The following CSNK1G3 variants were observed in gnomAD, a reference collection of about 807,000 sequenced individuals.
The protein encoded by CSNK1G3 is casein kinase 1 gamma 3, also known as casein kinase I isoform gamma-3.
A neutral mutation model predicts 64.3 loss-of-function variants in CSNK1G3; 23 were observed. The ratio of observed to expected loss-of-function variants is 0.36; its 90% CI spans 0.26 to 0.51. The LOEUF (loss-of-function observed/expected upper bound fraction) is 0.51. Ranked by LOEUF, CSNK1G3 falls within the 20% of genes least tolerant of loss-of-function variation. The pLI is 0.96. For missense variants in CSNK1G3, 357 were observed against 510.5 expected, an observed-to-expected ratio of 0.70 and a Z score of 2.90; for synonymous variants, 158 against 162.2, an observed-to-expected ratio of 0.97 and a Z score of 0.20.
intron 1 of CSNK1G3, among the ~76,000 whole-genome samples, chr5:123,521,199 C>T (rs980387864): frequency 6.6e-6 from 1 of 152,000 alleles, no homozygotes; most frequent in African/African-American, 2.4e-5. Flanking sequence ...TTCTTTTCTA[C>T]ATTTATTTTA....
chr5:123,553,324 A>G (rs1350890155), intron 3 of CSNK1G3, among the ~76,000 whole-genome samples, 177 bp downstream of exon 3: 1 of 152,178 alleles, frequency 6.6e-6, no homozygotes, highest in Non-Finnish European at 1.5e-5. Flanking sequence ...CTTAAAGTAT[A>G]TGGTAATGTG....
intron 2 of CSNK1G3, among the ~76,000 whole-genome samples, chr5:123,548,489 TG>T (rs1298329155): frequency 1.4e-5 from 2 of 141,310 alleles, no homozygotes; most frequent in Non-Finnish European, 3.1e-5. Flanking sequence ...GGCCATGAGA[TG>T]AAAAAAAATG....
chr5:123,516,591 G>A (rs537838129), intron 1 of CSNK1G3, among the ~76,000 whole-genome samples: 2 of 152,238 alleles, frequency 1.3e-5, no homozygotes, highest in African/African-American at 2.4e-5. Flanking sequence ...TATCATCTTA[G>A]TTATAAGAAA....
intron 9 of CSNK1G3, 26 bp from the exon 10 acceptor site, chr5:123,591,293 T>G (rs779428757): frequency 7.0e-7 from 1 of 1,418,612 alleles, no homozygotes; most frequent in South Asian, 1.3e-5. Context: ...TGGAATGTAT[T>G]GATACCAATT....
intron 6 of CSNK1G3, among the ~76,000 whole-genome samples, chr5:123,585,933 C>T (rs992886924): frequency 2.0e-5 from 3 of 152,080 alleles, no homozygotes; most frequent in African/African-American, 7.2e-5. Flanking sequence ...TAGCAATCCC[C>T]CTTCTAGATA....
At chr5:123,598,784 G>A (rs1375820005) in intron 10 of CSNK1G3, among the ~76,000 whole-genome samples, 1 of 152,058 alleles carries the variant, frequency 6.6e-6, no homozygotes, top group East Asian at 1.9e-4. Context: ...GACCAAATTT[G>A]ACTAGTGTTT....
At chr5:123,576,669 G>C (rs2150749220) in intron 6 of CSNK1G3, among the ~76,000 whole-genome samples, 1 of 152,154 alleles carries the variant, frequency 6.6e-6, no homozygotes, top group Non-Finnish European at 1.5e-5. Flanking sequence ...ATTTGGGTCT[G>C]TTATTTCTTT....
intron 9 of CSNK1G3, 34 bp from the exon 10 acceptor site, chr5:123,591,285 G>A (rs1792304238): frequency 3.9e-6 from 5 of 1,290,248 alleles, no homozygotes; most frequent in South Asian, 1.5e-5. Flanking sequence ...TTTTAAAATG[G>A]AATGTATTGA....
At chr5:123,558,251 C>T (rs1282694564) in intron 4 of CSNK1G3, among the ~76,000 whole-genome samples, 1 of 152,142 alleles carries the variant, frequency 6.6e-6, no homozygotes, top group African/African-American at 2.4e-5. Context: ...TAATTTGTTA[C>T]AGCAGCCGTA....
intron 12 of CSNK1G3, among the ~76,000 whole-genome samples, chr5:123,605,862 T>A (rs1795282002): frequency 6.6e-6 from 1 of 152,118 alleles, no homozygotes; most frequent in South Asian, 2.1e-4. Flanking sequence ...AAAGCCATTT[T>A]AAAAATCCTC....
intron 10 of CSNK1G3, chr5:123,595,116 A>T: frequency 6.2e-7 from 1 of 1,613,536 alleles, no homozygotes; most frequent in Non-Finnish European, 8.5e-7. Flanking sequence ...CAGCAGACAG[A>T]CATGGTGGCT....
At chr5:123,538,505 A>G (rs764128202) in intron 1 of CSNK1G3, among the ~76,000 whole-genome samples, 2 of 152,170 alleles carry the variant, frequency 1.3e-5, no homozygotes, top group African/African-American at 2.4e-5. Context: ...GATCGTTTCT[A>G]TATTTAAAAA....
Position 123,599,950 on chromosome 5 carries a change from C to T in CSNK1G3, c.1087-4774C>T, listed in dbSNP as rs185228890. On this transcript the variant is annotated intron_variant, in intron 10 of 12. Transcript: ENST00000345990. ...TCCTAAGTGAAAGTTAATTGAAAAT[C>T]CATTTTGGCTTATCTTTGTTGAAAG... 1.4e-3 allele frequency among the ~76,000 whole-genome samples: 210 copies of T among 151,950 alleles called. 1 individual carries two copies. The highest frequency in any genetic ancestry group is 4.7e-3 in the African/African-American group (196 of 41,448).
chr5:123,608,179 G>T (rs949868663), intron 12 of CSNK1G3, among the ~76,000 whole-genome samples: 4 of 152,060 alleles, frequency 2.6e-5, no homozygotes, highest in African/African-American at 9.7e-5. Flanking sequence ...TTTTCTTTCA[G>T]AATTTCTTTT....
At chr5:123,608,829 C>CT (rs1423195580) in intron 12 of CSNK1G3, among the ~76,000 whole-genome samples, 1 of 152,060 alleles carries the variant, frequency 6.6e-6, no homozygotes, top group Non-Finnish European at 1.5e-5. Context: ...TAAGGTGACT[C>CT]TAAGGAGCAG....
At chr5:123,587,179 G>A (rs753518850) in intron 6 of CSNK1G3, among the ~76,000 whole-genome samples, 17 of 152,160 alleles carry the variant, frequency 1.1e-4, no homozygotes, top group Non-Finnish European at 2.4e-4. Context: ...CTTCATCCTA[G>A]TTCAGAGCCA....
intron 1 of CSNK1G3, among the ~76,000 whole-genome samples, chr5:123,515,870 G>A (rs1777073879): frequency 6.6e-6 from 1 of 152,100 alleles, no homozygotes; most frequent in South Asian, 2.1e-4. Flanking sequence ...GGCCATAAAT[G>A]ATACTATTAC....
chr5:123,611,793 T>A (rs530610817), intron 12 of CSNK1G3, among the ~76,000 whole-genome samples: 1 of 152,344 alleles, frequency 6.6e-6, no homozygotes, highest in African/African-American at 2.4e-5. Flanking sequence ...TATGGCCATA[T>A]TCTTAAATTT....
At chr5:123,588,146 G>T in exon 7 of CSNK1G3, 1 of 1,597,988 alleles carries the variant, frequency 6.3e-7, no homozygotes, top group Non-Finnish European at 8.6e-7. Flanking sequence ...CCTTGGCAAG[G>T]CTTAAAGGTA....
Sources: allele counts gnomAD v4.1 joint callset (sites outside exome capture counted in the v4.1 genomes callset), GRCh38; gene constraint gnomAD v4.1.1; transcripts MANE v1.5; gene names NCBI Gene and HGNC (gene_info 2026-07-23, HGNC 2026-07-21).